The following PHACTR4 variants were observed in gnomAD, a reference collection of about 807,000 sequenced individuals.
PHACTR4 encodes the protein phosphatase and actin regulator 4.
A neutral mutation model predicts 72.7 loss-of-function variants in PHACTR4; 51 were observed. That is an observed-to-expected ratio of 0.70 (90% CI 0.56 to 0.89). The LOEUF (loss-of-function observed/expected upper bound fraction) is 0.89. PHACTR4 is among the 40% of genes least tolerant of loss of function. The pLI is 0.00. For missense variants in PHACTR4, 731 were observed against 861.8 expected (o/e 0.85, Z 1.90); for synonymous variants, 255 against 302.5 (o/e 0.84, Z 1.63).
At chr1:28,421,076 C>T (rs1238049791) in intron 2 of PHACTR4, among the ~76,000 whole-genome samples, 1 of 152,088 alleles carries the variant, frequency 6.6e-6, no homozygotes, top group Admixed American at 6.6e-5. Context: ...AGTTTTTGTA[C>T]CAGTTCTACA....
At chr1:28,463,796 G>A (rs1197725803) in intron 4 of PHACTR4, among the ~76,000 whole-genome samples, 1 of 152,154 alleles carries the variant, frequency 6.6e-6, no homozygotes, top group Non-Finnish European at 1.5e-5. Flanking sequence ...ACAGTGGTCT[G>A]ATCATGGCTT....
In PHACTR4 at chr1:28,493,105, G is replaced by T. The variant is rs1661137866; in HGVS notation, c.2093+14G>T. ...ACATTTTACACGGTAAGACCCAAAA[G>T]ACCCAATCATATATGTGCTAGGTAG... On this transcript the variant is annotated intron_variant, in intron 13 of 13. Coordinates refer to ENST00000373839, the MANE Select transcript of PHACTR4 (RefSeq NM_001048183.3). The T allele has an allele frequency of 6.2e-7, 1 of 1,603,602 alleles. No homozygotes were observed. The highest frequency in any genetic ancestry group is 8.5e-7 in the Non-Finnish European group (1 of 1,170,554).
chr1:28,474,558 T>TC (rs1230022408), intron 7 of PHACTR4, among the ~76,000 whole-genome samples: 1 of 151,730 alleles, frequency 6.6e-6, no homozygotes, highest in Non-Finnish European at 1.5e-5. Flanking sequence ...TTTTTTTTTT[T>TC]CCGAGATGGA....
intron 2 of PHACTR4, among the ~76,000 whole-genome samples, chr1:28,440,970 G>A (rs76579428): frequency 0.02 from 3,039 of 152,154 alleles, 98 homozygotes; most frequent in African/African-American, 0.069. Flanking sequence ...ACAGCACTTA[G>A]TTTTGAGCTT....
intron 11 of PHACTR4, 62 bp from the exon 12 acceptor site, chr1:28,491,588 T>G: frequency 2.5e-6 from 4 of 1,610,300 alleles, no homozygotes; most frequent in Non-Finnish European, 3.4e-6. Flanking sequence ...TAGAGGCAAT[T>G]TGAATGCATG....
At chr1:28,375,096 C>T (rs187565996) in intron 1 of PHACTR4, among the ~76,000 whole-genome samples, 1 of 151,968 alleles carries the variant, frequency 6.6e-6, no homozygotes, top group Admixed American at 6.6e-5. Context: ...GCCAGGAGTT[C>T]GAGACGAGCC....
At chr1:28,480,339 G>T in intron 8 of PHACTR4, 112 bp from the exon 9 acceptor site, 4 of 1,250,064 alleles carry the variant, frequency 3.2e-6, no homozygotes, top group Non-Finnish European at 4.4e-6. Context: ...GGCCAGGTGG[G>T]AACTGGGAAT....
intron 2 of PHACTR4, among the ~76,000 whole-genome samples, chr1:28,435,871 AATAAGT>A (rs1325671125): frequency 6.6e-6 from 1 of 152,226 alleles, no homozygotes; most frequent in African/African-American, 2.4e-5. Flanking sequence ...CTTTTAGGCT[AATAAGT>A]ATAAGTACCT....
chr1:28,382,547 C>T (rs1160547726), intron 1 of PHACTR4, among the ~76,000 whole-genome samples: 1 of 152,096 alleles, frequency 6.6e-6, no homozygotes, highest in Non-Finnish European at 1.5e-5. Flanking sequence ...TCGTGATCCG[C>T]CCGCCTCAGC....
chr1:28,448,716 C>G (rs1276122381), intron 2 of PHACTR4, among the ~76,000 whole-genome samples: 2 of 119,542 alleles, frequency 1.7e-5, no homozygotes, highest in Non-Finnish European at 3.2e-5. Context: ...GAGCCGAGAT[C>G]GTGCCACTGC....
chr1:28,394,541 T>C (rs1653328127), intron 1 of PHACTR4, among the ~76,000 whole-genome samples: 1 of 152,126 alleles, frequency 6.6e-6, no homozygotes, highest in South Asian at 2.1e-4. Context: ...TCTTCTTGCT[T>C]TGACCTACAG....
chr1:28,380,738 C>T lies in PHACTR4; in HGVS notation c.-39+10913C>T, dbSNP rs540553834. On this transcript the variant is annotated intron_variant, in intron 1 of 13. Transcript: ENST00000373839. ...ACATACCACCTTTTCTTTATCTAGTCTACTTTTGATGGGCATTTAGGTTGA... is the reference window on the plus strand; with the variant it reads ...ACATACCACCTTTTCTTTATCTAGTTTACTTTTGATGGGCATTTAGGTTGA... Among the ~76,000 whole-genome samples, 6 of 152,168 alleles carry T rather than the reference C, an allele frequency of 3.9e-5. No homozygotes were observed. The South Asian group carries it at 1.2e-3, about 32-fold the overall frequency.
intron 2 of PHACTR4, among the ~76,000 whole-genome samples, chr1:28,431,120 A>G (rs1243691037): frequency 3.3e-5 from 5 of 149,338 alleles, no homozygotes; most frequent in Non-Finnish European, 5.9e-5. Context: ...CGGAGCTTGC[A>G]GTGAGCTGAG....
chr1:28,415,034 A>G (rs1329756306), intron 2 of PHACTR4, among the ~76,000 whole-genome samples: 1 of 151,978 alleles, frequency 6.6e-6, no homozygotes, highest in African/African-American at 2.4e-5. Context: ...GCCGAGGTGG[A>G]CGGTTTGCCT....
intron 8 of PHACTR4, among the ~76,000 whole-genome samples, chr1:28,479,363 T>C (rs2124519331): frequency 6.9e-6 from 1 of 144,264 alleles, no homozygotes; most frequent in South Asian, 2.2e-4. Context: ...GAAGTCGCAG[T>C]GAGCCAAGAC....
At chr1:28,452,186 GA>G (rs1305774951) in intron 2 of PHACTR4, among the ~76,000 whole-genome samples, 1 of 151,912 alleles carries the variant, frequency 6.6e-6, no homozygotes, top group Non-Finnish European at 1.5e-5. Flanking sequence ...AGATTGTTTG[GA>G]GATTTACAAC....
rs1654208276 is a variant in PHACTR4 at position 28,404,825 on chromosome 1, CTG to C, written c.-38-2579_-38-2578del. On this transcript the variant is annotated intron_variant, in intron 1 of 13. Transcript: ENST00000373839. ...CTTGCAGGTTTGTTATATAGGTAAA[CTG>C]TGTGTTACGGGGGTTTGGTGTACAG... Among the ~76,000 whole-genome samples, 3 of 152,258 alleles carry C rather than the reference CTG, an allele frequency of 2.0e-5. No individual in the cohort carries two copies. In the South Asian group the frequency reaches 6.2e-4, roughly 32 times the overall value.
intron 3 of PHACTR4, among the ~76,000 whole-genome samples, chr1:28,459,672 G>A (rs1349967990): frequency 2.0e-5 from 3 of 151,954 alleles, no homozygotes; most frequent in African/African-American, 7.2e-5. Context: ...AAAGTGCTGG[G>A]ATTACAAGCA....
In PHACTR4 at chr1:28,404,440, G is replaced by A. The variant is rs551793873; in HGVS notation, c.-38-2970G>A. Reference sequence around the variant, plus strand: ...TGGGACTACAGGCACCTGCCACCACGCCCAGCTAATTTTTGTATTTTTAGT... The same window carrying A: ...TGGGACTACAGGCACCTGCCACCACACCCAGCTAATTTTTGTATTTTTAGT... On this transcript the variant is annotated intron_variant, in intron 1 of 13. Transcript: ENST00000373839. 3.3e-5 allele frequency among the ~76,000 whole-genome samples: 5 copies of A among 151,496 alleles called. No homozygotes were observed. The South Asian group carries it at 8.4e-4, about 25-fold the overall frequency.
Sources: gnomAD v4.1 joint callset for allele counts (sites outside exome capture counted in the v4.1 genomes callset) on GRCh38, gnomAD v4.1.1 for gene constraint, MANE v1.5 for transcripts, NCBI Gene and HGNC (gene_info 2026-07-23, HGNC 2026-07-21) for gene names.